TTC39A: variants seen among roughly 807,000 people sequenced by gnomAD.
TTC39A encodes tetratricopeptide repeat protein 39A.
Under a neutral mutation model 82.3 loss-of-function variants are expected in TTC39A, and 46 were observed. That is an observed-to-expected ratio of 0.56 (90% CI 0.44 to 0.71). TTC39A has a LOEUF of 0.71. Ranked by LOEUF, TTC39A falls within the 30% of genes least tolerant of loss-of-function variation. The pLI is 0.00. For synonymous variants in TTC39A, 254 were observed against 275.2 expected (o/e 0.92, Z 0.76); for missense variants, 543 against 712.9 (o/e 0.76, Z 2.71).
chr1:51,327,338 G>A (rs1169123566), intron 1 of TTC39A, among the ~76,000 whole-genome samples: 1 of 152,176 alleles, frequency 6.6e-6, no homozygotes, highest in Admixed American at 6.5e-5. Context: ...CTGCCCATGG[G>A]GATCTGTTGC....
At chr1:51,302,250 C>CCCCCCCCCCCT in intron 11 of TTC39A, 107 bp downstream of exon 11, 1 of 580,794 alleles carries the variant, frequency 1.7e-6, no homozygotes. Context: ...GCCCCCCCCC[C>CCCCCCCCCCCT]GCCCCCAGTC....
At chr1:51,337,121 G>C (rs1645983338) in intron 1 of TTC39A, among the ~76,000 whole-genome samples, 1 of 152,166 alleles carries the variant, frequency 6.6e-6, no homozygotes. Flanking sequence ...TCAAAGCCCT[G>C]CAAAGGCTCC....
At chr1:51,334,416 T>C (rs140137483), upstream of TTC39A, among the ~76,000 whole-genome samples, 165 of 152,050 alleles carry the variant, frequency 1.1e-3, 3 homozygotes, top group East Asian at 0.018. Context: ...GGCAGAAGAA[T>C]CGCTTGAACC....
At chr1:51,291,360 A>G (rs1445444833) in intron 14 of TTC39A, among the ~76,000 whole-genome samples, 1 of 151,834 alleles carries the variant, frequency 6.6e-6, no homozygotes, top group African/African-American at 2.4e-5. Context: ...GTGTGGTGGC[A>G]CACACCTATA....
chr1:51,290,599 G>A lies in TTC39A; in HGVS notation c.1293C>T (p.Tyr431=), dbSNP rs61740508. 517 of 1,613,518 alleles carry A rather than the reference G, an allele frequency of 3.2e-4. 1 individual carries two copies. Among genetic ancestry groups the A allele is most frequent in the Non-Finnish European group, 4.1e-4 (483 of 1,179,740 alleles). Residue 431 remains tyrosine (Y), a synonymous_variant, in exon 15 of 18, where the codon TAC becomes TAT. Coordinates refer to ENST00000680483, the MANE Select transcript of TTC39A (RefSeq NM_001297663.2). ...GTTTCGGCTGCTTCCCAATCACGGCGTAGCCGTTCCAGATGTACATCATTT... is the reference window on the plus strand; with the variant it reads ...GTTTCGGCTGCTTCCCAATCACGGCATAGCCGTTCCAGATGTACATCATTT... ...ALEMMYIWNG[Y]AVIGKQPKLT... is the part of the protein sequence containing the mutation.
At chr1:51,312,736 T>A (rs1185223403) in intron 3 of TTC39A, 76 bp downstream of exon 3, 4 of 1,562,892 alleles carry the variant, frequency 2.6e-6, no homozygotes, top group Non-Finnish European at 3.5e-6. Context: ...TAGTGGCATG[T>A]TAGGCCCTGG....
At chr1:51,306,476 G>A (rs1178071375) in intron 6 of TTC39A, among the ~76,000 whole-genome samples, 1 of 152,192 alleles carries the variant, frequency 6.6e-6, no homozygotes, top group Non-Finnish European at 1.5e-5. Context: ...AGCACCAGAT[G>A]CCAGTAGCAT....
chr1:51,338,825 A>C lies in TTC39A; in HGVS notation c.53+6166T>G, dbSNP rs558887230. ...ACCATGTTGTCCAGGCTGGTCTTGA[A>C]CTCCTGACCTCAAGTGATCCACCCG... On this transcript the variant is annotated intron_variant, in intron 1 of 5. Transcript: ENST00000401051. Among the ~76,000 whole-genome samples the C allele has an allele frequency of 1.3e-5, 2 of 150,092 alleles. 1 individual carries two copies. Among genetic ancestry groups the C allele is most frequent in the South Asian group, 4.3e-4 (2 of 4,700 alleles).
In TTC39A at chr1:51,288,455, C is replaced by T. The variant is rs1434971369; in HGVS notation, c.1611-175G>A. On this transcript the variant is annotated intron_variant, in intron 17 of 17. Transcript: ENST00000680483. The surrounding 1 kb of genome is among the most constrained non-coding windows in gnomAD (Gnocchi z 4.8). ...AGTTAACCAGAAGGGTTTGTGGCCC[C>T]TCATCCCTGGTATCATGGCCACTGG... 1.3e-5 allele frequency among the ~76,000 whole-genome samples: 2 copies of T among 152,154 alleles called. No homozygotes were observed. The highest frequency in any genetic ancestry group is 6.5e-5 in the Admixed American group (1 of 15,272).
intron 14 of TTC39A, among the ~76,000 whole-genome samples, chr1:51,291,209 G>T (rs1644201159): frequency 6.6e-6 from 1 of 152,014 alleles, no homozygotes; most frequent in African/African-American, 2.4e-5. Flanking sequence ...ATTTGGGGGG[G>T]GCCAGGCACA....
intron 7 of TTC39A, among the ~76,000 whole-genome samples, 191 bp downstream of exon 7, chr1:51,305,786 C>T (rs1249039174): frequency 6.6e-6 from 1 of 152,178 alleles, no homozygotes; most frequent in East Asian, 1.9e-4. Context: ...GAGCTGGCTC[C>T]AGCGCCCACA....
intron 1 of TTC39A, chr1:51,344,954 C>G: frequency 6.6e-7 from 1 of 1,526,034 alleles, no homozygotes; most frequent in Non-Finnish European, 8.8e-7. Context: ...TTGGTCCCGT[C>G]CGCGCCTTCC....
intron 1 of TTC39A, among the ~76,000 whole-genome samples, chr1:51,323,529 TTC>T (rs1645603786): frequency 6.6e-6 from 1 of 152,218 alleles, no homozygotes; most frequent in South Asian, 2.1e-4. Context: ...TTCTTCTCTC[TTC>T]TCTGTTAGAC....
intron 3 of TTC39A, 81 bp downstream of exon 3, chr1:51,312,731 G>A: frequency 6.4e-7 from 1 of 1,551,288 alleles, no homozygotes; most frequent in South Asian, 1.2e-5. Context: ...GCGAATAGTG[G>A]CATGTTAGGC....
chr1:51,322,180 C>A (rs1294222538), intron 1 of TTC39A: 22 of 1,527,498 alleles, frequency 1.4e-5, no homozygotes, highest in Admixed American at 4.1e-5. Context: ...GCTGCCCCCC[C>A]AGGGGGTGCA....
intron 1 of TTC39A, among the ~76,000 whole-genome samples, chr1:51,323,403 A>G (rs1316422332): frequency 6.6e-6 from 1 of 152,064 alleles, no homozygotes; most frequent in Non-Finnish European, 1.5e-5. Flanking sequence ...TATAAGCCAC[A>G]GCCTACTTCC....
chr1:51,291,505 C>T (rs1226908839), intron 14 of TTC39A, among the ~76,000 whole-genome samples: 3 of 148,970 alleles, frequency 2.0e-5, no homozygotes, highest in Non-Finnish European at 4.5e-5. Context: ...AGTCTTGGGG[C>T]CAGGTATGGT....
rs776124288 is a variant in TTC39A, at chr1:51,290,044, A to G, written c.1454T>C (p.Val485Ala). Reference sequence around the variant, plus strand: ...CCTAAAATTCTCCTCGGCCTCCTGGACACGGCCCAGGTATTTCAGACACAG... The same window carrying G: ...CCTAAAATTCTCCTCGGCCTCCTGGGCACGGCCCAGGTATTTCAGACACAG... ...KGLCLKYLGR[V>A]QEAEENFRSI... The change falls in exon 16 of 18, where the codon GTC becomes GCC. Residue 485 changes from valine (V) to alanine (A), a missense_variant. By Grantham distance (64) the Val-to-Ala change is moderately conservative (BLOSUM62 0). Coordinates refer to ENST00000680483, the MANE Select transcript of TTC39A (RefSeq NM_001297663.2). The G allele has an allele frequency of 1.9e-6, 3 of 1,613,980 alleles. No homozygotes were observed. Among genetic ancestry groups the G allele is most frequent in the Non-Finnish European group, 1.7e-6 (2 of 1,179,872 alleles).
At chr1:51,302,030 A>G (rs528983731) in intron 11 of TTC39A, 1 of 694,460 alleles carries the variant, frequency 1.4e-6, no homozygotes, top group Admixed American at 2.0e-5. Flanking sequence ...ACCAGACTCC[A>G]GCCTAATCGT....
Sources: allele counts gnomAD v4.1 joint callset (sites outside exome capture counted in the v4.1 genomes callset), GRCh38; gene constraint gnomAD v4.1.1; non-coding constraint Gnocchi (gnomAD v3.1); transcripts MANE v1.5; gene names NCBI Gene and HGNC (gene_info 2026-07-23, HGNC 2026-07-21).